IPO13: variants seen among roughly 807,000 people sequenced by gnomAD.
IPO13 encodes the protein importin-13.
Under a neutral mutation model 115.5 loss-of-function variants are expected in IPO13, and 28 were observed. The observed-to-expected ratio is 0.24, with a 90% CI of 0.18 to 0.33. The LOEUF is 0.33. Ranked by LOEUF, IPO13 falls within the 10% of genes least tolerant of loss-of-function variation. IPO13 has a pLI of 1.00. For synonymous variants in IPO13, 414 were observed against 478.9 expected (o/e 0.86, Z 1.77); for missense variants, 785 against 1,204.6 (o/e 0.65, Z 5.16).
intron 2 of IPO13, among the ~76,000 whole-genome samples, chr1:43,950,706 T>C (rs1435616534): frequency 2.0e-5 from 3 of 151,996 alleles, no homozygotes; most frequent in African/African-American, 7.2e-5. Context: ...GCTACTCTCC[T>C]TGCTCTCTAC....
intron 2 of IPO13, among the ~76,000 whole-genome samples, chr1:43,955,536 G>T (rs532939368): frequency 2.0e-5 from 3 of 152,130 alleles, no homozygotes; most frequent in African/African-American, 7.2e-5. Context: ...GTTTGCTGGC[G>T]GTCTTCAGTG....
At chr1:43,960,509 G>A (rs994732156) in intron 12 of IPO13, among the ~76,000 whole-genome samples, 180 bp downstream of exon 12, 1 of 152,194 alleles carries the variant, frequency 6.6e-6, no homozygotes, top group African/African-American at 2.4e-5. Context: ...ATCATGAGAA[G>A]TGCTTAACGT....
chr1:43,948,527 C>T (rs1314428681), intron 1 of IPO13, among the ~76,000 whole-genome samples: 1 of 152,174 alleles, frequency 6.6e-6, no homozygotes, highest in Admixed American at 6.5e-5. Context: ...CTTTGGCGTC[C>T]CTGAGGGGCC....
At chr1:43,953,806 G>A (rs1197202776) in intron 2 of IPO13, among the ~76,000 whole-genome samples, 2 of 152,180 alleles carry the variant, frequency 1.3e-5, no homozygotes, top group Non-Finnish European at 1.5e-5. Context: ...CAGGCTCTTG[G>A]GGGCTCCCAT....
Position 43,956,780 on chromosome 1 carries a change from G to A in IPO13, c.1105-30G>A. ...ATGGGCTTCTATGACTGCTGGTGAG[G>A]TGGCTAATTCTCTTCCCTGGCTCTC... On this transcript the variant is annotated intron_variant, in intron 4 of 19. Transcript: ENST00000372343. The surrounding 1 kb of genome is among the most constrained non-coding windows in gnomAD (Gnocchi z 4.7). 2.5e-6 allele frequency: 4 copies of A among 1,613,690 alleles called. No homozygotes were observed. Among genetic ancestry groups the A allele is most frequent in the Non-Finnish European group, 3.4e-6 (4 of 1,179,678 alleles).
chr1:43,951,218 C>T (rs1327671814), intron 2 of IPO13, among the ~76,000 whole-genome samples: 2 of 152,212 alleles, frequency 1.3e-5, no homozygotes, highest in Non-Finnish European at 2.9e-5. Flanking sequence ...CTGTGCTGAG[C>T]TCTGGGAGCA....
rs1375226201 is a variant in IPO13, at chr1:43,957,663, A to G, written c.1540+114A>G. 5 of 1,265,724 alleles carry G rather than the reference A, an allele frequency of 4.0e-6. No individual in the cohort carries two copies. In the East Asian group the frequency reaches 7.0e-5, roughly 18 times the overall value. The allele number at this position is 1,265,724 out of a possible 1,614,324, so 78.4% of individuals were successfully genotyped here. On this transcript the variant is annotated intron_variant, in intron 7 of 19. Coordinates refer to ENST00000372343, the MANE Select transcript of IPO13 (RefSeq NM_014652.4). ...TGGGAGAGCCACATGCCTACACACA[A>G]TCAGTGTTGTAACAAACTGACTGTC... is the stretch of plus-strand genomic sequence containing the variant.
Position 43,956,306 on chromosome 1 carries a change from C to T in IPO13, c.822-14C>T, listed in dbSNP as rs978507514. 3 of 1,613,870 alleles carry T rather than the reference C, an allele frequency of 1.9e-6. No homozygotes were observed. The highest frequency in any genetic ancestry group is 1.3e-5 in the African/African-American group (1 of 74,924). On this transcript the variant is annotated splice_polypyrimidine_tract_variant and intron_variant, in intron 2 of 19. Transcript: ENST00000372343. The surrounding 1 kb of genome is among the most constrained non-coding windows in gnomAD (Gnocchi z 4.7). ...CAGAGAGCTCTGATGGATTTTCTCA[C>T]CTCATGCCTCTAGGTACGTGAACAC...
At position 43,952,072 on chromosome 1, in the gene IPO13, A is replaced by G. The variant is rs2085213280; in HGVS notation, c.821+1919A>G. ...AGGGTTGGGATGGTCAGTAGCATGC[A>G]TTTGTACCTTTGGGTTATTGATACG... On this transcript the variant is annotated intron_variant, in intron 2 of 19. Coordinates refer to ENST00000372343, the MANE Select transcript of IPO13 (RefSeq NM_014652.4). The surrounding 1 kb of genome is among the most constrained non-coding windows in gnomAD (Gnocchi z 4.7). Among the ~76,000 whole-genome samples, 1 of 152,140 alleles carries G rather than the reference A, an allele frequency of 6.6e-6. No individual in the cohort carries two copies. The highest frequency in any genetic ancestry group is 1.5e-5 in the Non-Finnish European group (1 of 68,016).
chr1:43,960,208 G>A (rs752997616), intron 11 of IPO13, 41 bp from the exon 12 acceptor site: 9 of 1,600,422 alleles, frequency 5.6e-6, no homozygotes, highest in Admixed American at 5.0e-5. Flanking sequence ...GGGTCACAGT[G>A]ATGGATAGCA....
In IPO13 at chr1:43,967,479, C is replaced by G; in HGVS notation, c.2778C>G (p.Phe926Leu). ...TCAGCCCTGAACAGAAGGATACCTTCAGCCAGCAGATCCTTCGGTGAGCAG... is the reference window on the plus strand; with the variant it reads ...TCAGCCCTGAACAGAAGGATACCTTGAGCCAGCAGATCCTTCGGTGAGCAG... ...ARLSPEQKDT[F>L]SQQILRERVN... Residue 926 changes from phenylalanine to leucine, a missense_variant, in exon 19 of 20, where the codon TTC becomes TTG. Phe to Leu is a conservative substitution (Grantham distance 22). Coordinates refer to ENST00000372343, the MANE Select transcript of IPO13 (RefSeq NM_014652.4). The surrounding 1 kb of genome is among the most constrained non-coding windows in gnomAD (Gnocchi z 6.1). The G allele has an allele frequency of 6.2e-7, 1 of 1,614,140 alleles. No individual in the cohort carries two copies. Among genetic ancestry groups the G allele is most frequent in the Non-Finnish European group, 8.5e-7 (1 of 1,179,984 alleles).
At chr1:43,947,829 A>C in intron 1 of IPO13, 145 bp downstream of exon 1, 1 of 426,826 alleles carries the variant, frequency 2.3e-6, no homozygotes, top group South Asian at 1.2e-4. Context: ...CTGGGCAGGC[A>C]GTATTGCAGT....
rs763890912 is a variant in IPO13 at position 43,949,551 on chromosome 1, G to A, written c.219G>A (p.Glu73=). Residue 73 remains glutamate (E), a synonymous_variant, in exon 2 of 20, where the codon GAG becomes GAA. Coordinates refer to ENST00000372343, the MANE Select transcript of IPO13 (RefSeq NM_014652.4). ...WQLLQPDKVP[E]IQYFGASALH... is the part of the protein sequence containing the mutation. ...TACTGCAGCCCGACAAGGTACCAGA[G>A]ATCCAGTACTTTGGGGCCAGTGCTC... 2 of 1,614,246 alleles carry A rather than the reference G, an allele frequency of 1.2e-6. No homozygotes were observed. Among genetic ancestry groups the A allele is most frequent in the South Asian group, 2.2e-5 (2 of 91,084 alleles).
In IPO13 at chr1:43,966,838, G is replaced by C; in HGVS notation, c.2523+56G>C. The stretch of plus-strand genomic sequence containing the variant: ...CCACCCCAGTGCCCTCCCCTGCCCA[G>C]GACTTCAGACAGTAGGGCTGGGGTG... On this transcript the variant is annotated intron_variant, in intron 17 of 19. Transcript: ENST00000372343. This position sits in a 1 kb window ranked among gnomAD's most constrained non-coding sequence, Gnocchi z 4.1. 1.2e-6 allele frequency: 2 copies of C among 1,609,716 alleles called. No individual in the cohort carries two copies.
chr1:43,963,870 C>T (rs906131220), intron 14 of IPO13, among the ~76,000 whole-genome samples: 3 of 151,928 alleles, frequency 2.0e-5, no homozygotes, highest in African/African-American at 4.8e-5. Flanking sequence ...CTTTCCTCTT[C>T]AATGACTGGC....
rs748415549 is a variant in IPO13 at position 43,966,770 on chromosome 1, C to T, written c.2511C>T (p.Ser837=). Residue 837 remains serine, a synonymous_variant, in exon 17 of 20, where the codon TCC becomes TCT. Coordinates refer to ENST00000372343, the MANE Select transcript of IPO13 (RefSeq NM_014652.4). This position sits in a 1 kb window ranked among gnomAD's most constrained non-coding sequence, Gnocchi z 4.1. ...KFPEAPTVKA[S]CGFFTELLPR... ...CTGAGGCACCTACTGTCAAGGCCTCCTGTGGCTTCTTTGTGAGTCCCATGC... is the reference window on the plus strand; with the variant it reads ...CTGAGGCACCTACTGTCAAGGCCTCTTGTGGCTTCTTTGTGAGTCCCATGC... 2 of 1,614,176 alleles carry T rather than the reference C, an allele frequency of 1.2e-6. No individual in the cohort carries two copies. Among genetic ancestry groups the T allele is most frequent in the South Asian group, 1.1e-5 (1 of 91,092 alleles).
intron 2 of IPO13, among the ~76,000 whole-genome samples, chr1:43,951,327 G>A (rs1472328850): frequency 2.0e-5 from 3 of 152,320 alleles, no homozygotes; most frequent in African/African-American, 7.2e-5. Flanking sequence ...GATGGAGAAC[G>A]CAGGGGCCTT....
At chr1:43,959,571 A>G (rs959553314) in intron 11 of IPO13, among the ~76,000 whole-genome samples, 2 of 152,224 alleles carry the variant, frequency 1.3e-5, no homozygotes, top group African/African-American at 4.8e-5. Flanking sequence ...AAAGTTCTTT[A>G]CAAATATAAG....
chr1:43,966,380 A>G lies in IPO13; in HGVS notation c.2398-195A>G, dbSNP rs1245389939. On this transcript the variant is annotated intron_variant, in intron 15 of 19. Transcript: ENST00000372343. The surrounding 1 kb of genome is among the most constrained non-coding windows in gnomAD (Gnocchi z 4.1). ...CGTGTTCATGTACACATACATGTACATAGCATCCCTTGAGCTGTCCTCACC... is the reference window on the plus strand; with the variant it reads ...CGTGTTCATGTACACATACATGTACGTAGCATCCCTTGAGCTGTCCTCACC... The G allele has an allele frequency of 6.3e-6, 4 of 632,816 alleles. No homozygotes were observed. Among genetic ancestry groups the G allele is most frequent in the Non-Finnish European group, 1.1e-5 (4 of 350,612 alleles). The allele number at this position is 632,816 out of a possible 1,614,324, so 39.2% of individuals were successfully genotyped here.
Sources: allele counts gnomAD v4.1 joint callset (sites outside exome capture counted in the v4.1 genomes callset), GRCh38; gene constraint gnomAD v4.1.1; non-coding constraint Gnocchi (gnomAD v3.1); transcripts MANE v1.5; gene names NCBI Gene and HGNC (gene_info 2026-07-23, HGNC 2026-07-21).